Variants in FMN1 observed in about 807,000 individuals in gnomAD.
FMN1 encodes formin-1.
In FMN1, 110 loss-of-function variants were observed where a neutral mutation model predicts 132.4. The observed-to-expected ratio is 0.83, with a 90% CI of 0.71 to 0.97. The LOEUF (loss-of-function observed/expected upper bound fraction) is 0.97, where lower values mean the gene tolerates loss of function less well. FMN1 is among the 50% of genes least tolerant of loss of function. The probability of loss-of-function intolerance (pLI) is 0.00; values close to 1 mark genes in which losing one functional copy is unlikely to be tolerated. For missense variants in FMN1, 1,792 were observed against 1,705.3 expected (o/e 1.05, Z -0.90); for synonymous variants, 722 against 651.7 (o/e 1.11, Z -1.64).
chr15:32,840,630 G>A (rs2058725707), intron 17 of FMN1, among the ~76,000 whole-genome samples: 1 of 152,226 alleles, frequency 6.6e-6, no homozygotes, highest in Admixed American at 6.5e-5. Context: ...TTCGTTCAGT[G>A]CCAAGGAGGC....
intron 19 of FMN1, among the ~76,000 whole-genome samples, chr15:32,778,651 T>G (rs57363717): frequency 0.14 from 20,522 of 151,984 alleles, 1,445 homozygotes; most frequent in Middle Eastern, 0.2. Flanking sequence ...AGGAAGACAG[T>G]AACAAGTACT....
intron 4 of FMN1, among the ~76,000 whole-genome samples, chr15:33,096,888 C>G (rs1319925090): frequency 6.6e-6 from 1 of 152,208 alleles, no homozygotes; most frequent in East Asian, 1.9e-4. Context: ...AGGCATGCAC[C>G]AACTCGCCTC....
chr15:32,875,142 G>C (rs567080555), intron 16 of FMN1, among the ~76,000 whole-genome samples: 42 of 152,266 alleles, frequency 2.8e-4, no homozygotes, highest in African/African-American at 9.9e-4. Flanking sequence ...AATGGCCAAG[G>C]GTGTCTTAGC....
rs764669683 is a variant in FMN1 at position 32,900,114 on chromosome 15, G to A, written c.3519C>T (p.His1173=). The A allele has an allele frequency of 3.5e-5, 56 of 1,613,520 alleles. No homozygotes were observed. Among genetic ancestry groups the A allele is most frequent in the African/African-American group, 1.1e-4 (8 of 74,902 alleles). ...IITRASKDLL[H]VKSVKDILAL... is the part of the protein sequence containing the mutation. Reference sequence around the variant, plus strand: ...CTAAAATATCCTTCACGCTCTTCACGTGCAGCAAGTCCTGTGATGGCAAAC... The same window carrying A: ...CTAAAATATCCTTCACGCTCTTCACATGCAGCAAGTCCTGTGATGGCAAAC... Residue 1173 remains histidine, a synonymous_variant, in exon 14 of 21, where the codon CAC becomes CAT. Coordinates refer to ENST00000616417, the MANE Select transcript of FMN1 (RefSeq NM_001277313.2).
At chr15:32,842,039 T>C (rs2058756332) in intron 17 of FMN1, among the ~76,000 whole-genome samples, 1 of 152,212 alleles carries the variant, frequency 6.6e-6, no homozygotes, top group Admixed American at 6.5e-5. Context: ...GTTTGTGCTG[T>C]TCTCTAGTTG....
intron 6 of FMN1, chr15:33,012,178 G>A (rs2034766244): frequency 1.8e-6 from 1 of 565,922 alleles, no homozygotes; most frequent in East Asian, 3.5e-5. Flanking sequence ...CCTCATCAGA[G>A]GGTTGGGCTT....
chr15:33,009,429 C>T (rs1323988807), intron 6 of FMN1, among the ~76,000 whole-genome samples: 1 of 152,156 alleles, frequency 6.6e-6, no homozygotes, highest in Non-Finnish European at 1.5e-5. Context: ...CCATAAAGAC[C>T]TCCATGTCCT....
chr15:33,166,214 G>A (rs1418818658), intron 3 of FMN1, among the ~76,000 whole-genome samples: 1 of 152,104 alleles, frequency 6.6e-6, no homozygotes, highest in Non-Finnish European at 1.5e-5. Flanking sequence ...ACTTGCCCCT[G>A]GTCAAACAAC....
intron 12 of FMN1, chr15:32,908,270 G>T (rs73370865): frequency 2.0e-4 from 95 of 472,178 alleles, no homozygotes; most frequent in African/African-American, 1.7e-3. Context: ...CTCTTGGGGT[G>T]GGGGAGGGGG....
chr15:33,013,292 T>C (rs181687995), intron 6 of FMN1, among the ~76,000 whole-genome samples: 1 of 152,332 alleles, frequency 6.6e-6, no homozygotes, highest in African/African-American at 2.4e-5. Flanking sequence ...TTCTGTTCTG[T>C]GGAAAGTATA....
At chr15:32,922,080 T>G (rs953575010) in intron 10 of FMN1, among the ~76,000 whole-genome samples, 1 of 152,240 alleles carries the variant, frequency 6.6e-6, no homozygotes, top group Non-Finnish European at 1.5e-5. Flanking sequence ...ACTGCTCTGT[T>G]ATTTCATAGC....
At chr15:33,171,639 T>C (rs1965324793) in intron 3 of FMN1, among the ~76,000 whole-genome samples, 1 of 152,168 alleles carries the variant, frequency 6.6e-6, no homozygotes, top group Non-Finnish European at 1.5e-5. Flanking sequence ...AAATGAACTA[T>C]GGGTTTTTTT....
intron 9 of FMN1, among the ~76,000 whole-genome samples, chr15:32,928,101 C>T (rs185488420): frequency 3.9e-5 from 6 of 152,008 alleles, no homozygotes; most frequent in African/African-American, 1.2e-4. Flanking sequence ...ATATTTTTTT[C>T]CTTTACCTGT....
At chr15:32,879,222 T>C (rs2059705623) in intron 16 of FMN1, among the ~76,000 whole-genome samples, 1 of 152,208 alleles carries the variant, frequency 6.6e-6, no homozygotes, top group African/African-American at 2.4e-5. Flanking sequence ...TTTACAAAAA[T>C]AAATCATATC....
At chr15:32,921,346 A>G (rs2060816733) in intron 10 of FMN1, among the ~76,000 whole-genome samples, 2 of 152,204 alleles carry the variant, frequency 1.3e-5, no homozygotes, top group African/African-American at 4.8e-5. Flanking sequence ...TCTGTAAGAA[A>G]TCAAAGACCA....
chr15:32,899,910 T>A, intron 14 of FMN1, 69 bp downstream of exon 14: 1 of 1,492,608 alleles, frequency 6.7e-7, no homozygotes, highest in Non-Finnish European at 9.2e-7. Flanking sequence ...TGGAATACGT[T>A]TTTTAAAATT....
intron 5 of FMN1, among the ~76,000 whole-genome samples, chr15:33,077,369 A>ATT (rs71117104): frequency 7.1e-6 from 1 of 140,340 alleles, no homozygotes; most frequent in Non-Finnish European, 1.5e-5. Context: ...ATATATATAT[A>ATT]TTTTTTTTAT....
At chr15:32,928,021 T>C (rs950862086) in intron 9 of FMN1, among the ~76,000 whole-genome samples, 1 of 152,252 alleles carries the variant, frequency 6.6e-6, no homozygotes, top group African/African-American at 2.4e-5. Context: ...TTTGTTCCAA[T>C]AAAGATGATC....
chr15:33,079,669 T>G (rs2038371322), intron 5 of FMN1, among the ~76,000 whole-genome samples: 1 of 152,254 alleles, frequency 6.6e-6, no homozygotes, highest in Non-Finnish European at 1.5e-5. Flanking sequence ...TATCTTTCAA[T>G]TTGTAGAGAA....
Sources: gnomAD v4.1 joint callset for allele counts (sites outside exome capture counted in the v4.1 genomes callset) on GRCh38, gnomAD v4.1.1 for gene constraint, MANE v1.5 for transcripts, NCBI Gene and HGNC (gene_info 2026-07-23, HGNC 2026-07-21) for gene names.